PPP6R3: variants seen among roughly 807,000 people sequenced by gnomAD.
The protein encoded by PPP6R3 is protein phosphatase 6 regulatory subunit 3.
In PPP6R3, 38 loss-of-function variants were observed where a neutral mutation model predicts 110.7. That is an observed-to-expected ratio of 0.34 (90% confidence interval 0.26 to 0.45). The LOEUF (loss-of-function observed/expected upper bound fraction) is 0.45, where lower values mean the gene tolerates loss of function less well. Among genes scored for constraint, PPP6R3 ranks in the 20% least tolerant of loss-of-function variants. The pLI, the probability that PPP6R3 is intolerant of heterozygous loss-of-function variation, is 1.00. For synonymous variants in PPP6R3, 369 were observed against 373.5 expected (o/e 0.99, Z 0.14); for missense variants, 870 against 1,062.4 (o/e 0.82, Z 2.52).
chr11:68,595,748 G>C (rs1482279373), intron 18 of PPP6R3, among the ~76,000 whole-genome samples: 1 of 152,128 alleles, frequency 6.6e-6, no homozygotes, highest in Non-Finnish European at 1.5e-5. Context: ...GATATAAGAT[G>C]GCAAATAAGC....
chr11:68,599,904 A>G (rs1335984568), intron 19 of PPP6R3, among the ~76,000 whole-genome samples: 1 of 152,104 alleles, frequency 6.6e-6, no homozygotes, highest in African/African-American at 2.4e-5. Context: ...CGGGCGGTTC[A>G]CGAGGTCGGG....
chr11:68,528,643 A>C (rs141225803), intron 2 of PPP6R3, among the ~76,000 whole-genome samples: 3 of 151,980 alleles, frequency 2.0e-5, no homozygotes, highest in African/African-American at 7.3e-5. Context: ...TGTCAGGGGG[A>C]AGAGTTTCTC....
Position 68,494,408 on chromosome 11 carries a change from CAAAA to C in PPP6R3, c.-157-25071_-157-25068del, listed in dbSNP as rs35190764. On this transcript the variant is annotated intron_variant, in intron 1 of 23. Transcript: ENST00000393800. ...GTGCGGTGGGACACGCCTGTAATCTCAAAAAAAAAAAAAAAAAAAAAAAAAGCTG... is the reference window on the plus strand; with the variant it reads ...GTGCGGTGGGACACGCCTGTAATCTCAAAAAAAAAAAAAAAAAAAAAGCTG... Among the ~76,000 whole-genome samples the C allele has an allele frequency of 3.9e-3, 233 of 60,384 alleles. 1 individual carries two copies. Among genetic ancestry groups the C allele is most frequent in the Non-Finnish European group, 4.3e-3 (140 of 32,774 alleles). The allele number at this position is 60,384 out of a possible 152,430, so 39.6% of individuals were successfully genotyped here. A position where few individuals can be genotyped will look rare whatever the true frequency, so the allele number is the denominator to read the frequency against.
At chr11:68,480,536 C>G (rs1403635598) in intron 1 of PPP6R3, among the ~76,000 whole-genome samples, 1 of 152,174 alleles carries the variant, frequency 6.6e-6, no homozygotes, top group Non-Finnish European at 1.5e-5. Context: ...TTTTATCAGC[C>G]TAGCTTTGCA....
chr11:68,583,238 G>A (rs2099568293), intron 15 of PPP6R3, 109 bp downstream of exon 15: 1 of 838,372 alleles, frequency 1.2e-6, no homozygotes, highest in Admixed American at 3.3e-5. Context: ...TGTGATTTGG[G>A]GTTACTTATT....
chr11:68,564,017 G>A (rs2099443287), intron 8 of PPP6R3, among the ~76,000 whole-genome samples: 6 of 152,124 alleles, frequency 3.9e-5, no homozygotes, highest in Admixed American at 3.9e-4. Context: ...GTCACTTAGA[G>A]ACTTGTTACT....
chr11:68,464,493 T>C (rs530256970), intron 1 of PPP6R3, among the ~76,000 whole-genome samples: 1 of 152,304 alleles, frequency 6.6e-6, no homozygotes, highest in South Asian at 2.1e-4. Context: ...TTGGAACCAC[T>C]GTTTTACACC....
intron 1 of PPP6R3, among the ~76,000 whole-genome samples, chr11:68,465,287 C>CA (rs1165066879): frequency 1.4e-4 from 21 of 152,206 alleles, no homozygotes; most frequent in African/African-American, 4.6e-4. Context: ...ACAGTATGCT[C>CA]AGCCTTTAAC....
chr11:68,613,779 T>G lies in PPP6R3; in HGVS notation c.*662T>G, dbSNP rs892140535. 2 of 982,502 alleles carry G rather than the reference T, an allele frequency of 2.0e-6. No homozygotes were observed. Among genetic ancestry groups the G allele is most frequent in the African/African-American group, 3.5e-5 (2 of 57,160 alleles). The allele number at this position is 982,502 out of a possible 1,614,324, so 60.9% of individuals were successfully genotyped here. ...TAAAGTATTTATTGCTACATCATAG[T>G]TGATAAATTGATGTTATCGTAAAGC... On this transcript the variant is annotated 3_prime_UTR_variant, in exon 24 of 24. Transcript: ENST00000393800.
intron 3 of PPP6R3, among the ~76,000 whole-genome samples, chr11:68,543,636 T>C (rs907594685): frequency 3.9e-5 from 6 of 152,198 alleles, no homozygotes; most frequent in Non-Finnish European, 5.9e-5. Context: ...CTGGTTTCTT[T>C]TGTCATGCAG....
At chr11:68,558,279 G>A (rs906562330) in intron 7 of PPP6R3, 6 of 208,412 alleles carry the variant, frequency 2.9e-5, no homozygotes, top group Non-Finnish European at 4.8e-5. Context: ...TTGAGATTCT[G>A]TTGGCTCTCG....
At chr11:68,512,979 A>G (rs902254048) in intron 1 of PPP6R3, among the ~76,000 whole-genome samples, 3 of 152,106 alleles carry the variant, frequency 2.0e-5, no homozygotes, top group Non-Finnish European at 2.9e-5. Flanking sequence ...GTACCATCCA[A>G]TCAACCAGGG....
At chr11:68,571,270 A>G in intron 12 of PPP6R3, 166 bp downstream of exon 12, 1 of 1,020,606 alleles carries the variant, frequency 9.8e-7, no homozygotes, top group Non-Finnish European at 1.3e-6. Context: ...TGTTTTTATA[A>G]TACTAATAAT....
chr11:68,514,742 G>A (rs2099127622), intron 1 of PPP6R3, among the ~76,000 whole-genome samples: 1 of 151,874 alleles, frequency 6.6e-6, no homozygotes, highest in African/African-American at 2.4e-5. Context: ...GCACCGCCAC[G>A]CCCAGCTAAT....
At chr11:68,509,744 ATTTT>A (rs59022544) in intron 1 of PPP6R3, among the ~76,000 whole-genome samples, 13 of 102,152 alleles carry the variant, frequency 1.3e-4, no homozygotes, top group East Asian at 5.9e-4. Flanking sequence ...CATGTGGCTA[ATTTT>A]TTTTTTTTTT....
chr11:68,591,674 C>T lies in PPP6R3; in HGVS notation c.1884C>T (p.Ile628=), dbSNP rs895433376. 5.6e-6 allele frequency: 9 copies of T among 1,612,962 alleles called. No individual in the cohort carries two copies. Among genetic ancestry groups the T allele is most frequent in the East Asian group, 2.2e-5 (1 of 44,850 alleles). ...DEEDIWEEKH[I]AFTPESQRRS... is the part of the protein sequence containing the mutation. The stretch of plus-strand genomic sequence containing the variant: ...AAGATATATGGGAGGAAAAGCACAT[C>T]GCATTCACACCAGAATCCCAAAGAC... Residue 628 remains isoleucine, a synonymous_variant, in exon 18 of 24, where the codon ATC becomes ATT. Transcript: ENST00000393800.
chr11:68,477,742 ATATATATATATATAT>A lies in PPP6R3; in HGVS notation c.-158+16916_-158+16930del, dbSNP rs908241903. On this transcript the variant is annotated intron_variant, in intron 1 of 23. Transcript: ENST00000393800. ...ACATTGTCTCTTAAAAAAAAAAAAA[ATATATATATATATAT>A]ATATATATATATATAATTTCCAACT... Among the ~76,000 whole-genome samples the A allele has an allele frequency of 1.8e-4, 9 of 49,626 alleles. 1 individual carries two copies. The highest frequency in any genetic ancestry group is 6.3e-4 in the South Asian group (1 of 1,596). The allele number at this position is 49,626 out of a possible 152,430, so 32.6% of individuals were successfully genotyped here.
chr11:68,565,245 T>TTA (rs2099457010), intron 9 of PPP6R3, among the ~76,000 whole-genome samples: 1 of 152,078 alleles, frequency 6.6e-6, no homozygotes. Flanking sequence ...ACAGGATAAC[T>TTA]TATATAACCA....
chr11:68,539,397 G>A (rs570539069), intron 3 of PPP6R3, among the ~76,000 whole-genome samples: 11 of 152,302 alleles, frequency 7.2e-5, no homozygotes, highest in South Asian at 4.1e-4. Context: ...ACCCCCCGCC[G>A]TTATAACAGT....
Sources: gnomAD v4.1 joint callset for allele counts (sites outside exome capture counted in the v4.1 genomes callset) on GRCh38, gnomAD v4.1.1 for gene constraint, MANE v1.5 for transcripts, NCBI Gene and HGNC (gene_info 2026-07-23, HGNC 2026-07-21) for gene names.